LINGO2: variants seen among roughly 807,000 people sequenced by gnomAD.
LINGO2 encodes leucine-rich repeat and immunoglobulin-like domain-containing nogo receptor-interacting protein 2.
Under a neutral mutation model 30.6 loss-of-function variants are expected in LINGO2, and 14 were observed. The ratio of observed to expected loss-of-function variants is 0.46; its 90% confidence interval spans 0.30 to 0.72. The LOEUF (loss-of-function observed/expected upper bound fraction) is 0.72, where lower values mean the gene tolerates loss of function less well. LINGO2 is among the 30% of genes least tolerant of loss of function. The pLI, the probability that LINGO2 is intolerant of heterozygous loss-of-function variation, is 0.07. For missense variants in LINGO2, 729 were observed against 751.7 expected (o/e 0.97, Z 0.35); for synonymous variants, 317 against 288.5 (o/e 1.10, Z -1.00).
chr9:28,848,601 T>A, the LINGO2 span, among the ~76,000 whole-genome samples: 1 of 150,806 alleles, frequency 6.6e-6, no homozygotes. Context: ...ACCCTCTGCT[T>A]TTTTTTCAAA....
At chr9:28,441,354 A>C (rs1250329495) in intron 2 of LINGO2, among the ~76,000 whole-genome samples, 2 of 139,094 alleles carry the variant, frequency 1.4e-5, no homozygotes, top group Non-Finnish European at 3.1e-5. Flanking sequence ...TTAAATACAG[A>C]AGCTCTTTGT....
intron 2 of LINGO2, among the ~76,000 whole-genome samples, chr9:28,464,655 T>C (rs944121642): frequency 6.6e-6 from 1 of 152,214 alleles, no homozygotes; most frequent in Non-Finnish European, 1.5e-5. Flanking sequence ...CAATTTATTT[T>C]ACTGTATTGT....
chr9:28,128,294 A>G (rs1456428116), intron 4 of LINGO2, among the ~76,000 whole-genome samples: 2 of 152,216 alleles, frequency 1.3e-5, no homozygotes, highest in Non-Finnish European at 2.9e-5. Flanking sequence ...TTCCATCATA[A>G]CTGGAGCTTC....
At chr9:28,174,199 C>A (rs963842239) in intron 4 of LINGO2, among the ~76,000 whole-genome samples, 2 of 152,090 alleles carry the variant, frequency 1.3e-5, no homozygotes. Context: ...GTATGAGCTG[C>A]GACATTTCTA....
chr9:28,355,299 G>GTCTCTC (rs3065608), intron 3 of LINGO2, among the ~76,000 whole-genome samples: 41 of 121,046 alleles, frequency 3.4e-4, no homozygotes, highest in African/African-American at 1.3e-3. Flanking sequence ...CTCTCTCTAT[G>GTCTCTC]TCTCTCTCTC....
At chr9:28,174,921 T>TGTGTGAGA (rs962695032) in intron 4 of LINGO2, among the ~76,000 whole-genome samples, 23 of 133,416 alleles carry the variant, frequency 1.7e-4, no homozygotes, top group African/African-American at 5.4e-4. Context: ...TGTGTGTGTG[T>TGTGTGAGA]GAGAGAGAGA....
At chr9:28,195,501 A>T (rs1819979962) in intron 4 of LINGO2, among the ~76,000 whole-genome samples, 1 of 150,460 alleles carries the variant, frequency 6.6e-6, no homozygotes, top group African/African-American at 2.4e-5. Flanking sequence ...CACTCTGATA[A>T]ACAAGAATTT....
intron 4 of LINGO2, among the ~76,000 whole-genome samples, chr9:28,039,711 G>T (rs1305296098): frequency 6.6e-6 from 1 of 151,854 alleles, no homozygotes; most frequent in Non-Finnish European, 1.5e-5. Context: ...CTCAATCATG[G>T]CAAGTCTCCT....
chr9:28,079,204 T>A (rs1237289223), intron 4 of LINGO2, among the ~76,000 whole-genome samples: 2 of 135,222 alleles, frequency 1.5e-5, no homozygotes, highest in African/African-American at 7.8e-5. Flanking sequence ...AAATTTAATA[T>A]AGATAACTGG....
At chr9:29,178,375 T>C in the LINGO2 span, among the ~76,000 whole-genome samples, 1 of 152,258 alleles carries the variant, frequency 6.6e-6, no homozygotes, top group African/African-American at 2.4e-5. Flanking sequence ...CTCTCTTCAT[T>C]GCTCTGGCCT....
intron 1 of LINGO2, among the ~76,000 whole-genome samples, chr9:28,530,050 G>T (rs988728356): frequency 3.9e-5 from 6 of 151,910 alleles, no homozygotes; most frequent in Non-Finnish European, 7.4e-5. Context: ...AGTGATTCTT[G>T]AGCTTTTTGG....
chr9:27,970,166 T>TTCTGTAGGAGTG (rs1223432254), intron 5 of LINGO2, among the ~76,000 whole-genome samples: 1 of 152,188 alleles, frequency 6.6e-6, no homozygotes, highest in African/African-American at 2.4e-5. Flanking sequence ...ACTGGGATGC[T>TTCTGTAGGAGTG]TCTGTAGGAG....
At chr9:28,479,992 C>T (rs1825895874) in intron 1 of LINGO2, among the ~76,000 whole-genome samples, 1 of 135,760 alleles carries the variant, frequency 7.4e-6, no homozygotes. Context: ...GGGTTACTTC[C>T]TAAGCAAAAT....
At chr9:29,023,720 C>T in the LINGO2 span, among the ~76,000 whole-genome samples, 1 of 152,012 alleles carries the variant, frequency 6.6e-6, no homozygotes, top group South Asian at 2.1e-4. Flanking sequence ...TTAGTCTAAA[C>T]TCCACCAGCA....
At chr9:28,367,495 C>T (rs761091228) in intron 3 of LINGO2, among the ~76,000 whole-genome samples, 8 of 151,840 alleles carry the variant, frequency 5.3e-5, no homozygotes, top group Non-Finnish European at 1.0e-4. Context: ...TTCTTATATT[C>T]ATGACCTTAT....
At chr9:28,211,024 T>C (rs1012507093) in intron 4 of LINGO2, among the ~76,000 whole-genome samples, 2 of 151,530 alleles carry the variant, frequency 1.3e-5, no homozygotes, top group African/African-American at 2.4e-5. Context: ...ACTTTTCATG[T>C]AAGTTGATTG....
At chr9:28,304,210 G>T (rs972648194) in intron 3 of LINGO2, among the ~76,000 whole-genome samples, 1 of 150,380 alleles carries the variant, frequency 6.6e-6, no homozygotes, top group African/African-American at 2.4e-5. Flanking sequence ...ACAGAAATTT[G>T]TTCTTTGAAA....
chr9:28,588,473 C>A (rs1445706978), intron 1 of LINGO2, among the ~76,000 whole-genome samples: 1 of 151,734 alleles, frequency 6.6e-6, no homozygotes, highest in African/African-American at 2.4e-5. Context: ...AAGTCCTATA[C>A]CATAAGTGTA....
intron 4 of LINGO2, among the ~76,000 whole-genome samples, chr9:28,100,670 A>G (rs1417097938): frequency 6.6e-6 from 1 of 152,172 alleles, no homozygotes; most frequent in Non-Finnish European, 1.5e-5. Context: ...ACCAAAGCAT[A>G]AAGACCCCTG....
Sources: allele counts gnomAD v4.1 joint callset (sites outside exome capture counted in the v4.1 genomes callset), GRCh38; gene constraint gnomAD v4.1.1; transcripts MANE v1.5; gene names NCBI Gene and HGNC (gene_info 2026-07-23, HGNC 2026-07-21).